The following TNFRSF1B variants were observed in gnomAD, a reference collection of about 807,000 sequenced individuals.
TNFRSF1B encodes the protein tumor necrosis factor receptor superfamily member 1B.
In TNFRSF1B, 19 loss-of-function variants were observed where a neutral mutation model predicts 44.6. The ratio of observed to expected loss-of-function variants is 0.43; its 90% CI spans 0.30 to 0.62. The LOEUF (loss-of-function observed/expected upper bound fraction) is 0.62. Ranked by LOEUF, TNFRSF1B falls within the 20% of genes least tolerant of loss-of-function variation. The pLI, the probability that TNFRSF1B is intolerant of heterozygous loss-of-function variation, is 0.16. For missense variants in TNFRSF1B, 541 were observed against 619.9 expected (o/e 0.87, Z 1.35); for synonymous variants, 252 against 261.1 (o/e 0.97, Z 0.34).
chr1:12,191,921 C>G lies in TNFRSF1B; in HGVS notation c.455C>G (p.Pro152Arg). ...KCRPGFGVAR[P>R]GTETSDVVCK... Reference sequence around the variant, plus strand: ...CGCCCGGGCTTCGGCGTGGCCAGACCAGGTACGGGGTGGGGCTCAGGTCCT... The same window carrying G: ...CGCCCGGGCTTCGGCGTGGCCAGACGAGGTACGGGGTGGGGCTCAGGTCCT... The change falls in exon 4 of 10, where the codon CCA becomes CGA. Residue 152 changes from proline to arginine, a missense_variant and splice_region_variant. By Grantham distance (103) the Pro-to-Arg change is moderately radical (BLOSUM62 -2). Transcript: ENST00000376259. 1 of 1,608,264 alleles carries G rather than the reference C, an allele frequency of 6.2e-7. No individual in the cohort carries two copies. Among genetic ancestry groups the G allele is most frequent in the African/African-American group, 1.3e-5 (1 of 74,908 alleles).
At chr1:12,196,194 G>A (rs931947771) in intron 8 of TNFRSF1B, among the ~76,000 whole-genome samples, 3 of 152,078 alleles carry the variant, frequency 2.0e-5, no homozygotes, top group Non-Finnish European at 2.9e-5. Context: ...TCAGCTACTC[G>A]GGAGGCTGAG....
Position 12,167,148 on chromosome 1 carries a change from G to T in TNFRSF1B, c.57G>T (p.Ala19=). 2.3e-6 allele frequency: 3 copies of T among 1,314,596 alleles called. No homozygotes were observed. The highest frequency in any genetic ancestry group is 2.9e-6 in the Non-Finnish European group (3 of 1,029,104). The allele number at this position is 1,314,596 out of a possible 1,614,324, so 81.4% of individuals were successfully genotyped here. The change falls in exon 1 of 10, where the codon GCG becomes GCT. Residue 19 remains alanine, a synonymous_variant. Transcript: ENST00000376259. ...ALAVGLELWA[A]AHALPAQVAF... ...CCGTCGGACTGGAGCTCTGGGCTGC[G>T]GCGCACGCCTTGCCCGCCCAGGTGG...
chr1:12,201,915 A>G (rs5746051), intron 8 of TNFRSF1B, 52 bp from the exon 9 acceptor site: 269,184 of 1,524,892 alleles, frequency 0.18, 25,056 homozygotes, highest in South Asian at 0.23. Context: ...AGGGGAAGAA[A>G]GAGCTGGCTG....
At chr1:12,195,588 T>C (rs898723584) in intron 8 of TNFRSF1B, among the ~76,000 whole-genome samples, 1 of 152,182 alleles carries the variant, frequency 6.6e-6, no homozygotes, top group Non-Finnish European at 1.5e-5. Context: ...CCAGAAGCCC[T>C]GGGTAGACTT....
intron 2 of TNFRSF1B, 116 bp from the exon 3 acceptor site, chr1:12,190,841 C>A: frequency 1.5e-6 from 2 of 1,294,224 alleles, no homozygotes; most frequent in Non-Finnish European, 2.1e-6. Flanking sequence ...TGGAACTCCA[C>A]AGAATAGCCT....
intron 9 of TNFRSF1B, among the ~76,000 whole-genome samples, chr1:12,206,039 T>G (rs1639495437): frequency 1.3e-5 from 2 of 151,864 alleles, no homozygotes; most frequent in African/African-American, 4.8e-5. Context: ...ATGGCAGCAA[T>G]GGGAACTGTG....
chr1:12,199,706 T>TG lies in TNFRSF1B; in HGVS notation c.901-2255dup, dbSNP rs1639346422. Reference sequence around the variant, plus strand: ...GGAGGCAGGAGGTCTCAGCCTTTCTTGGGGGGCGGTGGCACCTGCGCTGCT... The same window carrying TG: ...GGAGGCAGGAGGTCTCAGCCTTTCTTGGGGGGGCGGTGGCACCTGCGCTGCT... On this transcript the variant is annotated intron_variant, in intron 8 of 9. Coordinates refer to ENST00000376259, the MANE Select transcript of TNFRSF1B (RefSeq NM_001066.3). This position sits in a 1 kb window ranked among gnomAD's most constrained non-coding sequence, Gnocchi z 4.0. Among the ~76,000 whole-genome samples, 1 of 152,066 alleles carries TG rather than the reference T, an allele frequency of 6.6e-6. No homozygotes were observed. The highest frequency in any genetic ancestry group is 6.6e-5 in the Admixed American group (1 of 15,260).
intron 8 of TNFRSF1B, among the ~76,000 whole-genome samples, chr1:12,195,135 G>A (rs1639237832): frequency 6.6e-6 from 1 of 152,222 alleles, no homozygotes; most frequent in Admixed American, 6.5e-5. Flanking sequence ...GGTAGAGGCT[G>A]TGGGGCTGGG....
chr1:12,183,597 T>TTATC (rs200399977), intron 1 of TNFRSF1B, among the ~76,000 whole-genome samples: 46 of 148,320 alleles, frequency 3.1e-4, no homozygotes, highest in Middle Eastern at 3.6e-3. Flanking sequence ...TCTTTCTATT[T>TTATC]TATCTATCTA....
At position 12,207,236 on chromosome 1, in the gene TNFRSF1B, G is replaced by C; in HGVS notation, c.*216G>C. On this transcript the variant is annotated 3_prime_UTR_variant, in exon 10 of 10. Coordinates refer to ENST00000376259, the MANE Select transcript of TNFRSF1B (RefSeq NM_001066.3). ...TGTGGAAAGCCTCTGCTGCCATGGC[G>C]TGTCCCTCTCGGAAGGCTGGCTGGG... 1 of 454,516 alleles carries C rather than the reference G, an allele frequency of 2.2e-6. No homozygotes were observed. Among genetic ancestry groups the C allele is most frequent in the East Asian group, 3.4e-5 (1 of 29,490 alleles). 28.2% of individuals were successfully genotyped at this position (454,516 alleles called of 1,614,324 possible).
At chr1:12,184,453 GA>G (rs1257318326) in intron 1 of TNFRSF1B, among the ~76,000 whole-genome samples, 1 of 152,124 alleles carries the variant, frequency 6.6e-6, no homozygotes, top group Non-Finnish European at 1.5e-5. Context: ...AGCCAGGGAG[GA>G]AGTCCTACCC....
chr1:12,207,316 G>C lies in TNFRSF1B; in HGVS notation c.*296G>C, dbSNP rs1042315853. The C allele has an allele frequency of 2.8e-6, 1 of 361,528 alleles. No homozygotes were observed. The highest frequency in any genetic ancestry group is 4.9e-6 in the Non-Finnish European group (1 of 202,666). The allele number at this position is 361,528 out of a possible 1,614,324, so 22.4% of individuals were successfully genotyped here. On this transcript the variant is annotated 3_prime_UTR_variant, in exon 10 of 10. Coordinates refer to ENST00000376259, the MANE Select transcript of TNFRSF1B (RefSeq NM_001066.3). The stretch of plus-strand genomic sequence containing the variant: ...TCCCTGACTCTCTGTGACCTGCCCC[G>C]CCCAGCTGCACCTGCCAGCCTGGCT...
intron 1 of TNFRSF1B, among the ~76,000 whole-genome samples, chr1:12,183,883 C>A (rs996381126): frequency 6.6e-6 from 1 of 151,908 alleles, no homozygotes; most frequent in African/African-American, 2.4e-5. Context: ...ATCTATCCAT[C>A]CTCTCCGATT....
At chr1:12,167,304 C>T (rs977592823) in intron 1 of TNFRSF1B, 135 bp downstream of exon 1, 2 of 618,404 alleles carry the variant, frequency 3.2e-6, no homozygotes, top group Admixed American at 4.5e-5. Flanking sequence ...CCAGTCGCCG[C>T]CCCCCATCCG....
chr1:12,204,790 T>TCACCACCACCAC (rs151248488), intron 9 of TNFRSF1B, among the ~76,000 whole-genome samples: 1 of 151,036 alleles, frequency 6.6e-6, no homozygotes, highest in South Asian at 2.1e-4. Context: ...CTTAAAAACA[T>TCACCACCACCAC]CACCACCACC....
intron 8 of TNFRSF1B, among the ~76,000 whole-genome samples, chr1:12,201,193 G>A (rs1170874162): frequency 6.7e-6 from 1 of 148,402 alleles, no homozygotes; most frequent in Admixed American, 6.9e-5. Context: ...CTGGAAAATC[G>A]AGGGCTATAG....
rs564306390 is a variant in TNFRSF1B, at chr1:12,169,843, G to A, written c.78+2674G>A. ...GTCTGGGCTGTCTGGGGAGGAGGAT[G>A]AGGGGTCTCTGCCTGATGGGCCTGG... On this transcript the variant is annotated intron_variant, in intron 1 of 9. Transcript: ENST00000376259. The surrounding 1 kb of genome is among the most constrained non-coding windows in gnomAD (Gnocchi z 4.5). Among the ~76,000 whole-genome samples the A allele has an allele frequency of 6.6e-6, 1 of 152,364 alleles. No individual in the cohort carries two copies. The highest frequency in any genetic ancestry group is 1.9e-4 in the East Asian group (1 of 5,190).
intron 1 of TNFRSF1B, among the ~76,000 whole-genome samples, chr1:12,176,142 C>G (rs1462589803): frequency 6.6e-6 from 1 of 152,128 alleles, no homozygotes; most frequent in East Asian, 1.9e-4. Flanking sequence ...TCACTTGAAC[C>G]CCAGAGGCGG....
Position 12,177,085 on chromosome 1 carries a change from C to T in TNFRSF1B, c.78+9916C>T, listed in dbSNP as rs569497023. On this transcript the variant is annotated intron_variant, in intron 1 of 9. Transcript: ENST00000376259. The surrounding 1 kb of genome is among the most constrained non-coding windows in gnomAD (Gnocchi z 4.3). ...TGGTGTGATCTTGGCTCACTGCAAC[C>T]TCTGCCTTCTGAGTTCAAGCGATTC... 3.3e-5 allele frequency among the ~76,000 whole-genome samples: 5 copies of T among 152,278 alleles called. No homozygotes were observed. The highest frequency in any genetic ancestry group is 1.2e-4 in the African/African-American group (5 of 41,546).
Sources: gnomAD v4.1 joint callset for allele counts (sites outside exome capture counted in the v4.1 genomes callset) on GRCh38, gnomAD v4.1.1 for gene constraint, Gnocchi (gnomAD v3.1) non-coding constraint, MANE v1.5 for transcripts, NCBI Gene and HGNC (gene_info 2026-07-23, HGNC 2026-07-21) for gene names.